The following MYO3A variants were observed in gnomAD, a reference collection of about 807,000 sequenced individuals.
The protein encoded by MYO3A is myosin-IIIa.
MYO3A carries 180 observed loss-of-function variants against 192.7 expected under a neutral mutation model. The observed-to-expected ratio is 0.93, with a 90% confidence interval of 0.83 to 1.06. MYO3A has a LOEUF of 1.06. MYO3A is among the 50% of genes least tolerant of loss of function. The probability of loss-of-function intolerance (pLI) is 0.00; values close to 1 mark genes in which losing one functional copy is unlikely to be tolerated. For synonymous variants in MYO3A, 628 were observed against 645.3 expected (o/e 0.97, Z 0.41); for missense variants, 1,896 against 1,905.0 (o/e 1.00, Z 0.09).
At chr10:26,049,030 G>A (rs927620964) in intron 10 of MYO3A, among the ~76,000 whole-genome samples, 1 of 152,184 alleles carries the variant, frequency 6.6e-6, no homozygotes, top group Admixed American at 6.5e-5. Context: ...TGCAAGCCAC[G>A]TAACCTGAGT....
At chr10:25,988,808 A>G (rs1839819582) in intron 4 of MYO3A, among the ~76,000 whole-genome samples, 2 of 152,092 alleles carry the variant, frequency 1.3e-5, no homozygotes, top group African/African-American at 4.8e-5. Flanking sequence ...GAAGCCAAAT[A>G]TTTACTCTTG....
At position 26,025,213 on chromosome 10, in the gene MYO3A, G is replaced by A. The variant is rs182122246; in HGVS notation, c.797+1126G>A. ...ATTCCTTAGCATATTTTAGCATTCCGGGGAAATATATTTTTGGTTAAGCTC... is the reference window on the plus strand; with the variant it reads ...ATTCCTTAGCATATTTTAGCATTCCAGGGAAATATATTTTTGGTTAAGCTC... On this transcript the variant is annotated intron_variant, in intron 9 of 34. Transcript: ENST00000642920. Among the ~76,000 whole-genome samples, 330 of 152,102 alleles carry A rather than the reference G, an allele frequency of 2.2e-3. 2 individuals carry two copies. The highest frequency in any genetic ancestry group is 2.5e-3 in the Non-Finnish European group (172 of 67,986).
At chr10:25,959,347 T>C (rs1041314570) in intron 4 of MYO3A, among the ~76,000 whole-genome samples, 7 of 152,100 alleles carry the variant, frequency 4.6e-5, no homozygotes, top group Non-Finnish European at 8.8e-5. Context: ...ACTTGAGTAA[T>C]AAAAAACATA....
chr10:25,977,482 T>G (rs1564422137), intron 4 of MYO3A, among the ~76,000 whole-genome samples: 1 of 152,122 alleles, frequency 6.6e-6, no homozygotes, highest in African/African-American at 2.4e-5. Context: ...TAACAGCAGA[T>G]ACAGCCATAG....
At chr10:26,034,049 C>G (rs1001186256) in intron 10 of MYO3A, among the ~76,000 whole-genome samples, 2 of 151,966 alleles carry the variant, frequency 1.3e-5, no homozygotes, top group Non-Finnish European at 2.9e-5. Flanking sequence ...GTGGGGAGTA[C>G]CCCATCGCCA....
intron 10 of MYO3A, among the ~76,000 whole-genome samples, chr10:26,035,552 T>TC: frequency 6.6e-6 from 1 of 152,102 alleles, no homozygotes; most frequent in Non-Finnish European, 1.5e-5. Context: ...CATACCACTT[T>TC]CCCCCCTGCC....
intron 14 of MYO3A, 115 bp from the exon 15 acceptor site, chr10:26,088,088 A>G: frequency 1.2e-6 from 1 of 828,184 alleles, no homozygotes; most frequent in Non-Finnish European, 1.9e-6. Flanking sequence ...ATATATCAGG[A>G]ACATGCTTTT....
At position 26,170,455 on chromosome 10, in the gene MYO3A, T is replaced by A; in HGVS notation, c.3314T>A (p.Ile1105Asn). The A allele has an allele frequency of 6.2e-7, 1 of 1,613,652 alleles. No homozygotes were observed. Among genetic ancestry groups the A allele is most frequent in the Non-Finnish European group, 8.5e-7 (1 of 1,179,752 alleles). The change falls in exon 29 of 35, where the codon ATT becomes AAT. Residue 1105 changes from isoleucine (I) to asparagine (N), a missense_variant. Transcript: ENST00000642920. The part of the protein sequence containing the change: ...GHLVRKQRKE[I>N]VDMKNTAVTT... ...CTTGTCAGGAAACAAAGAAAAGAAA[T>A]TGTTGACATGAAAAACACAGCAGTA...
chr10:26,174,541 C>A lies in MYO3A; in HGVS notation c.4277C>A (p.Ala1426Glu). 1 of 1,613,540 alleles carries A rather than the reference C, an allele frequency of 6.2e-7. No homozygotes were observed. Among genetic ancestry groups the A allele is most frequent in the Non-Finnish European group, 8.5e-7 (1 of 1,179,878 alleles). ...TCAGAAAGAGAAGCATGTGGTTTGG[C>A]AATTTTTTCAAAACAGGTATGTGAA... is the stretch of plus-strand genomic sequence containing the variant. ...ATSEREACGLAIFSKQISKLS... is the reference protein window; with the variant it reads ...ATSEREACGLEIFSKQISKLS... The change falls in exon 30 of 35, where the codon GCA becomes GAA. Residue 1426 changes from alanine to glutamate, a missense_variant. Ala to Glu is a moderately radical substitution (Grantham distance 107). Transcript: ENST00000642920.
chr10:25,986,794 A>T (rs142876129), intron 4 of MYO3A, among the ~76,000 whole-genome samples: 1 of 152,348 alleles, frequency 6.6e-6, no homozygotes, highest in East Asian at 1.9e-4. Context: ...TGCCAAAAGC[A>T]ATCTACAAAT....
chr10:26,176,705 C>T lies in MYO3A; in HGVS notation c.4298C>T (p.Ser1433Leu). Reference sequence around the variant, plus strand: ...GACACATGACCTTCTTTTTAGATATCAAAGTTATCTGAAGAATATTTCATT... The same window carrying T: ...GACACATGACCTTCTTTTTAGATATTAAAGTTATCTGAAGAATATTTCATT... ...CGLAIFSKQI[S>L]KLSEEYFILQ... Residue 1433 changes from serine to leucine, a missense_variant, in exon 31 of 35, where the codon TCA becomes TTA. Coordinates refer to ENST00000642920, the MANE Select transcript of MYO3A (RefSeq NM_017433.5). 6.2e-7 allele frequency: 1 copy of T among 1,608,604 alleles called. No individual in the cohort carries two copies. The highest frequency in any genetic ancestry group is 2.2e-5 in the East Asian group (1 of 44,824).
chr10:25,955,908 A>G (rs1837504305), intron 4 of MYO3A, among the ~76,000 whole-genome samples: 1 of 152,098 alleles, frequency 6.6e-6, no homozygotes, highest in African/African-American at 2.4e-5. Context: ...GCTATAACAA[A>G]AATCCACACA....
chr10:26,136,872 T>C (rs1017677438), intron 20 of MYO3A, among the ~76,000 whole-genome samples: 3 of 151,896 alleles, frequency 2.0e-5, no homozygotes, highest in African/African-American at 7.3e-5. Flanking sequence ...ATACAAAAAT[T>C]AGTGGGGCAT....
chr10:25,938,099 CT>C (rs1364276386), intron 2 of MYO3A, among the ~76,000 whole-genome samples: 1 of 152,122 alleles, frequency 6.6e-6, no homozygotes, highest in African/African-American at 2.4e-5. Context: ...ACCAGGAGGG[CT>C]TTGTTTTATT....
intron 10 of MYO3A, among the ~76,000 whole-genome samples, chr10:26,057,163 TA>T: frequency 6.6e-6 from 1 of 152,228 alleles, no homozygotes. Context: ...TGAATGTAAA[TA>T]AGGAAGGGTT....
chr10:25,937,734 G>T (rs1836188048), intron 2 of MYO3A, among the ~76,000 whole-genome samples: 1 of 152,126 alleles, frequency 6.6e-6, no homozygotes, highest in Admixed American at 6.5e-5. Context: ...GAAAATGAAT[G>T]GTGGAGAACG....
chr10:25,980,483 ACTTT>A (rs1839262350), intron 4 of MYO3A, among the ~76,000 whole-genome samples: 1 of 152,156 alleles, frequency 6.6e-6, no homozygotes, highest in African/African-American at 2.4e-5. Context: ...TCTAAATTCC[ACTTT>A]CTTAATCAAA....
chr10:25,942,291 C>T (rs371804100), intron 2 of MYO3A, among the ~76,000 whole-genome samples: 4 of 152,288 alleles, frequency 2.6e-5, no homozygotes, highest in East Asian at 1.9e-4. Flanking sequence ...CATGAACCAC[C>T]GCGTCCAGCC....
chr10:26,105,067 A>G (rs1837715457), intron 17 of MYO3A, among the ~76,000 whole-genome samples: 2 of 152,168 alleles, frequency 1.3e-5, no homozygotes, highest in South Asian at 2.1e-4. Context: ...TAAAGGTAGT[A>G]TAATGTTCCA....
Sources: allele counts gnomAD v4.1 joint callset (sites outside exome capture counted in the v4.1 genomes callset), GRCh38; gene constraint gnomAD v4.1.1; transcripts MANE v1.5; gene names NCBI Gene and HGNC (gene_info 2026-07-23, HGNC 2026-07-21).